TCF3: variants seen among roughly 807,000 people sequenced by gnomAD.
TCF3 encodes the protein transcription factor E2-alpha.
TCF3 carries 54 observed loss-of-function variants against 72.3 expected under a neutral mutation model. The observed-to-expected ratio is 0.75, with a 90% CI of 0.60 to 0.94. The LOEUF (loss-of-function observed/expected upper bound fraction) is 0.94. Among genes scored for constraint, TCF3 ranks in the 40% least tolerant of loss-of-function variants. The pLI is 0.00. For synonymous variants in TCF3, 525 were observed against 412.6 expected (o/e 1.27, Z -3.30); for missense variants, 1,078 against 934.4 (o/e 1.15, Z -2.00).
chr19:1,650,123 C>A (rs1289015276), intron 2 of TCF3, 54 bp downstream of exon 2: 9 of 1,497,482 alleles, frequency 6.0e-6, no homozygotes, highest in Non-Finnish European at 8.1e-6. Context: ...AAAACCTTCC[C>A]GTGAACTGTG....
At chr19:1,612,266 T>C in intron 18 of TCF3, 2 of 1,612,158 alleles carry the variant, frequency 1.2e-6, no homozygotes, top group Non-Finnish European at 1.7e-6. Flanking sequence ...GATGAGCAGC[T>C]TGGTCTGCGC....
At chr19:1,627,059 A>G (rs2062973112) in intron 6 of TCF3, among the ~76,000 whole-genome samples, 1 of 152,042 alleles carries the variant, frequency 6.6e-6, no homozygotes, top group African/African-American at 2.4e-5. Flanking sequence ...GGGGGTCCAC[A>G]CCTGCAAAGC....
chr19:1,639,369 C>A (rs2064912788), intron 3 of TCF3, among the ~76,000 whole-genome samples: 1 of 152,246 alleles, frequency 6.6e-6, no homozygotes, highest in East Asian at 1.9e-4. Context: ...TTGTTGTTGA[C>A]AATGGCTCGA....
At chr19:1,629,885 C>G (rs1316632002) in intron 5 of TCF3, among the ~76,000 whole-genome samples, 1 of 152,134 alleles carries the variant, frequency 6.6e-6, no homozygotes, top group African/African-American at 2.4e-5. Flanking sequence ...TCTTGGTGAC[C>G]CGGGGGGACA....
In TCF3 at chr19:1,611,276, GAT is replaced by G. The variant is rs1033541232; in HGVS notation, c.*429_*430del. 1.0e-4 allele frequency: 35 copies of G among 334,268 alleles called. No individual in the cohort carries two copies. In the East Asian group the frequency reaches 1.3e-3, roughly 12 times the overall value. 20.7% of individuals were successfully genotyped at this position (334,268 alleles called of 1,614,324 possible). A position where few individuals can be genotyped will look rare whatever the true frequency, so the allele number is the denominator to read the frequency against. ...GGTTTCCACAGCATCCCCCTTGAGT[GAT>G]ATGTTTCCATTTCTCCGCTTTTTAT... On this transcript the variant is annotated 3_prime_UTR_variant, in exon 19 of 19. Coordinates refer to ENST00000262965, the MANE Select transcript of TCF3 (RefSeq NM_003200.5).
intron 8 of TCF3, among the ~76,000 whole-genome samples, chr19:1,623,414 C>T (rs1419441343): frequency 2.1e-5 from 3 of 142,242 alleles, no homozygotes; most frequent in South Asian, 2.5e-4. Context: ...GACAGAGTCT[C>T]ACTCTGTTGC....
chr19:1,621,995 T>G (rs1296095864), intron 10 of TCF3, 25 bp from the exon 11 acceptor site: 2 of 1,599,028 alleles, frequency 1.3e-6, no homozygotes, highest in Admixed American at 1.7e-5. Context: ...AGGAGGAGGG[T>G]GGGTTAGATG....
chr19:1,632,893 CCACCTGCCAGTGTGGG>C (rs1221693562), intron 3 of TCF3, among the ~76,000 whole-genome samples: 1 of 152,208 alleles, frequency 6.6e-6, no homozygotes, highest in Admixed American at 6.5e-5. Context: ...CTCCCTGTCC[CCACCTGCCAGTGTGGG>C]AAGTGGGGCC....
Position 1,619,299 on chromosome 19 carries a change from C to T in TCF3, c.1326+17G>A, listed in dbSNP as rs1226586124. 1 of 1,567,788 alleles carries T rather than the reference C, an allele frequency of 6.4e-7. No individual in the cohort carries two copies. Among genetic ancestry groups the T allele is most frequent in the South Asian group, 1.1e-5 (1 of 87,206 alleles). Reference sequence around the variant, plus strand: ...GTCCCCGCCCACTGCCCAGCTCCACCCTCGCCCAGCGCTCACCAGGCCTGC... The same window carrying T: ...GTCCCCGCCCACTGCCCAGCTCCACTCTCGCCCAGCGCTCACCAGGCCTGC... On this transcript the variant is annotated intron_variant, in intron 15 of 18. Transcript: ENST00000262965.
intron 3 of TCF3, among the ~76,000 whole-genome samples, chr19:1,640,328 G>A (rs139549224): frequency 3.9e-5 from 6 of 152,178 alleles, no homozygotes; most frequent in African/African-American, 1.4e-4. Flanking sequence ...CAGGTCAGGA[G>A]ACCGAGACTG....
chr19:1,624,329 G>A (rs1447358792), intron 7 of TCF3, among the ~76,000 whole-genome samples: 1 of 152,182 alleles, frequency 6.6e-6, no homozygotes, highest in African/African-American at 2.4e-5. Context: ...CCGGGAGGCA[G>A]AGGCTGCAGT....
intron 18 of TCF3, chr19:1,612,120 G>A (rs1307473263): frequency 3.0e-6 from 4 of 1,348,746 alleles, no homozygotes; most frequent in Admixed American, 2.6e-5. Flanking sequence ...AGAGTCCGGG[G>A]GCGGCAAGCA....
At chr19:1,646,932 C>G (rs537738063) in intron 2 of TCF3, among the ~76,000 whole-genome samples, 1 of 152,220 alleles carries the variant, frequency 6.6e-6, no homozygotes, top group African/African-American at 2.4e-5. Context: ...ATGGCAGGCC[C>G]TGGAGCAGGG....
intron 3 of TCF3, among the ~76,000 whole-genome samples, chr19:1,638,542 G>GT (rs2064791222): frequency 6.6e-6 from 1 of 152,108 alleles, no homozygotes; most frequent in African/African-American, 2.4e-5. Context: ...CTCGGACAAT[G>GT]TTTTTTAAAA....
chr19:1,646,817 C>G (rs2066179066), intron 2 of TCF3, among the ~76,000 whole-genome samples: 1 of 152,242 alleles, frequency 6.6e-6, no homozygotes, highest in Non-Finnish European at 1.5e-5. Flanking sequence ...TACGTTTCAG[C>G]TCTGAAAAGT....
At chr19:1,647,688 C>T (rs1255784636) in intron 2 of TCF3, among the ~76,000 whole-genome samples, 2 of 152,246 alleles carry the variant, frequency 1.3e-5, no homozygotes, top group African/African-American at 4.8e-5. Context: ...AAACAAAGGC[C>T]TGCTGTGGGG....
At chr19:1,652,015 C>A (rs1365489105) in intron 1 of TCF3, among the ~76,000 whole-genome samples, 10 of 150,710 alleles carry the variant, frequency 6.6e-5, no homozygotes, top group Non-Finnish European at 1.3e-4. Context: ...CCGTCCGGCG[C>A]CCCCCGCGCC....
intron 10 of TCF3, 21 bp downstream of exon 10, chr19:1,622,026 ACCCCCTG>A (rs778317335): frequency 4.2e-5 from 49 of 1,155,130 alleles, no homozygotes; most frequent in Middle Eastern, 2.3e-4. Flanking sequence ...CCCTCCGCCC[ACCCCCTG>A]CCCCCTGCCC....
intron 3 of TCF3, 80 bp from the exon 4 acceptor site, chr19:1,632,485 C>G (rs2063830184): frequency 1.4e-6 from 2 of 1,455,680 alleles, no homozygotes; most frequent in Non-Finnish European, 1.9e-6. Flanking sequence ...ATCTCAGGGG[C>G]AAACCTCAGT....
Sources: allele counts gnomAD v4.1 joint callset (sites outside exome capture counted in the v4.1 genomes callset), GRCh38; gene constraint gnomAD v4.1.1; transcripts MANE v1.5; gene names NCBI Gene and HGNC (gene_info 2026-07-23, HGNC 2026-07-21).